Variants in EXOC4 observed in about 807,000 individuals in gnomAD.
EXOC4 encodes the protein exocyst complex component 4, also known as SEC8-like 1.
In EXOC4, 71 loss-of-function variants were observed where a neutral mutation model predicts 107.2. The ratio of observed to expected loss-of-function variants is 0.66; its 90% CI spans 0.55 to 0.81. The LOEUF (loss-of-function observed/expected upper bound fraction) is 0.81, where lower values mean the gene tolerates loss of function less well. Among genes scored for constraint, EXOC4 ranks in the 30% least tolerant of loss-of-function variants. The pLI, the probability that EXOC4 is intolerant of heterozygous loss-of-function variation, is 0.00. For synonymous variants in EXOC4, 456 were observed against 441.2 expected (o/e 1.03, Z -0.42); for missense variants, 1,108 against 1,189.6 (o/e 0.93, Z 1.01).
chr7:133,847,149 A>G (rs1484658741), intron 11 of EXOC4, among the ~76,000 whole-genome samples: 1 of 152,136 alleles, frequency 6.6e-6, no homozygotes, highest in African/African-American at 2.4e-5. Flanking sequence ...CTCTGTGGTG[A>G]GAATATTCAA....
chr7:133,465,981 C>CA (rs1368911035), intron 7 of EXOC4, among the ~76,000 whole-genome samples: 1 of 151,706 alleles, frequency 6.6e-6, no homozygotes, highest in Admixed American at 6.6e-5. Context: ...ACTAAAAATA[C>CA]AAAAAATTAG....
chr7:133,586,790 C>T (rs1043936339), intron 9 of EXOC4, among the ~76,000 whole-genome samples: 1 of 152,036 alleles, frequency 6.6e-6, no homozygotes, highest in Non-Finnish European at 1.5e-5. Context: ...GTCAGCTGTG[C>T]CCTCACCTCT....
chr7:133,882,733 T>G (rs1798991831), intron 11 of EXOC4, among the ~76,000 whole-genome samples: 1 of 151,930 alleles, frequency 6.6e-6, no homozygotes, highest in Non-Finnish European at 1.5e-5. Context: ...GAAATGGTAA[T>G]GAAGATTGAA....
intron 9 of EXOC4, among the ~76,000 whole-genome samples, chr7:133,516,952 A>G (rs1799888619): frequency 6.6e-6 from 1 of 151,760 alleles, no homozygotes; most frequent in South Asian, 2.1e-4. Flanking sequence ...ATTTATACAC[A>G]TCCACCTAAA....
intron 10 of EXOC4, among the ~76,000 whole-genome samples, chr7:133,764,066 TACTC>T (rs942108227): frequency 5.9e-5 from 9 of 152,074 alleles, no homozygotes; most frequent in South Asian, 2.1e-4. Flanking sequence ...ATGGTGACAA[TACTC>T]ACTCCCTTAT....
chr7:133,538,961 T>TG, intron 9 of EXOC4, among the ~76,000 whole-genome samples: 1 of 144,606 alleles, frequency 6.9e-6, no homozygotes, highest in Non-Finnish European at 1.5e-5. Context: ...TAGCTTGGGT[T>TG]TTTTTTTTCT....
chr7:133,284,903 C>T (rs769591762), intron 2 of EXOC4, among the ~76,000 whole-genome samples: 5 of 152,160 alleles, frequency 3.3e-5, no homozygotes, highest in Non-Finnish European at 7.3e-5. Flanking sequence ...CCTACCTCAT[C>T]CTACCCCGGT....
chr7:133,369,866 G>GCGCAATTT (rs61107303), intron 6 of EXOC4, among the ~76,000 whole-genome samples: 44,265 of 144,210 alleles, frequency 0.31, 7,271 homozygotes, highest in African/African-American at 0.43. Flanking sequence ...GAGTGCAATG[G>GCGCAATTT]CGCAATTTGG....
intron 5 of EXOC4, among the ~76,000 whole-genome samples, chr7:133,318,720 G>A (rs1051944375): frequency 6.6e-6 from 1 of 152,094 alleles, no homozygotes; most frequent in South Asian, 2.1e-4. Flanking sequence ...ACCTTAAAAT[G>A]CCACTTAAAA....
intron 10 of EXOC4, among the ~76,000 whole-genome samples, chr7:133,740,996 A>G (rs906417237): frequency 7.9e-5 from 12 of 152,310 alleles, no homozygotes; most frequent in Middle Eastern, 3.4e-3. Context: ...CTTGCAGCTC[A>G]ATTAACACTG....
At chr7:133,696,632 T>G (rs1473300259) in intron 10 of EXOC4, among the ~76,000 whole-genome samples, 3 of 152,240 alleles carry the variant, frequency 2.0e-5, no homozygotes, top group Non-Finnish European at 2.9e-5. Context: ...TGGTCTCTTT[T>G]TCTGTATAAT....
Position 133,855,142 on chromosome 7 carries a change from TAA to T in EXOC4, c.1734+37600_1734+37601del, listed in dbSNP as rs1476570053. On this transcript the variant is annotated intron_variant, in intron 11 of 17. Transcript: ENST00000253861. ...ATATATATATAAATATATATATATA[TAA>T]ATATATATATAAATATATATATTTT... 8.5e-5 allele frequency among the ~76,000 whole-genome samples: 11 copies of T among 129,132 alleles called. 1 individual carries two copies. Among genetic ancestry groups the T allele is most frequent in the African/African-American group, 3.1e-4 (9 of 28,844 alleles). The allele number at this position is 129,132 out of a possible 152,430, so 84.7% of individuals were successfully genotyped here. A position where few individuals can be genotyped will look rare whatever the true frequency, so the allele number is the denominator to read the frequency against.
intron 10 of EXOC4, among the ~76,000 whole-genome samples, chr7:133,682,824 C>T (rs1794216154): frequency 6.6e-6 from 1 of 152,204 alleles, no homozygotes; most frequent in Non-Finnish European, 1.5e-5. Context: ...GACTCAAATG[C>T]CGCACCTGCT....
intron 9 of EXOC4, among the ~76,000 whole-genome samples, chr7:133,540,748 A>G (rs912786612): frequency 5.3e-5 from 8 of 152,190 alleles, no homozygotes; most frequent in Non-Finnish European, 8.8e-5. Flanking sequence ...GACCTGATAG[A>G]CTTTGCCAGT....
chr7:134,069,213 T>TCTTCTC (rs1554442560), downstream of EXOC4, among the ~76,000 whole-genome samples: 20 of 148,054 alleles, frequency 1.4e-4, no homozygotes, highest in South Asian at 1.1e-3. Flanking sequence ...CAGTTCTTCT[T>TCTTCTC]CTTCTTCTCC....
At chr7:133,874,725 A>G (rs1798815082) in intron 11 of EXOC4, among the ~76,000 whole-genome samples, 1 of 152,252 alleles carries the variant, frequency 6.6e-6, no homozygotes, top group Non-Finnish European at 1.5e-5. Flanking sequence ...ATGTATATGT[A>G]GTATGCATCT....
the EXOC4 span, among the ~76,000 whole-genome samples, chr7:134,075,349 C>G: frequency 6.6e-6 from 1 of 152,104 alleles, no homozygotes; most frequent in Non-Finnish European, 1.5e-5. Flanking sequence ...CTGTATTAGT[C>G]CGTTTTTACA....
intron 11 of EXOC4, among the ~76,000 whole-genome samples, chr7:133,887,982 A>G (rs1422895522): frequency 6.6e-6 from 1 of 152,174 alleles, no homozygotes; most frequent in Non-Finnish European, 1.5e-5. Context: ...TCAATACAGA[A>G]AAGGAAGTTG....
chr7:133,586,494 C>T (rs535586379), intron 9 of EXOC4, among the ~76,000 whole-genome samples: 18 of 152,274 alleles, frequency 1.2e-4, no homozygotes, highest in Non-Finnish European at 2.4e-4. Flanking sequence ...ATATGTACCA[C>T]ATCTTCTTTA....
Sources: gnomAD v4.1 joint callset for allele counts (sites outside exome capture counted in the v4.1 genomes callset) on GRCh38, gnomAD v4.1.1 for gene constraint, MANE v1.5 for transcripts, NCBI Gene and HGNC (gene_info 2026-07-23, HGNC 2026-07-21) for gene names.